SDK1: variants seen among roughly 807,000 people sequenced by gnomAD.
The protein encoded by SDK1 is protein sidekick-1.
SDK1 carries 157 observed loss-of-function variants against 245.5 expected under a neutral mutation model. The observed-to-expected ratio is 0.64, with a 90% CI of 0.56 to 0.73. The LOEUF (loss-of-function observed/expected upper bound fraction) is 0.73, where lower values mean the gene tolerates loss of function less well. Among genes scored for constraint, SDK1 ranks in the 30% least tolerant of loss-of-function variants. SDK1 has a pLI of 0.00. For missense variants in SDK1, 3,583 were observed against 3,002.3 expected (o/e 1.19, Z -4.52); for synonymous variants, 1,647 against 1,278.5 (o/e 1.29, Z -6.15).
chr7:3,592,115 G>A (rs1562587477), intron 1 of SDK1, among the ~76,000 whole-genome samples: 2 of 152,184 alleles, frequency 1.3e-5, no homozygotes, highest in African/African-American at 2.4e-5. Context: ...ATTTCAACCT[G>A]ATTACTGCCT....
intron 5 of SDK1, among the ~76,000 whole-genome samples, chr7:3,904,265 T>C (rs1407404590): frequency 6.6e-6 from 1 of 152,144 alleles, no homozygotes; most frequent in Non-Finnish European, 1.5e-5. Context: ...AGTAGAGTAG[T>C]AGTTCCCAGG....
chr7:3,669,047 A>G (rs541783847), intron 4 of SDK1, among the ~76,000 whole-genome samples: 4 of 152,320 alleles, frequency 2.6e-5, no homozygotes, highest in Admixed American at 6.5e-5. Flanking sequence ...CCACTTACCA[A>G]AGCTCTTTGA....
chr7:4,132,403 A>G lies in SDK1; in HGVS notation c.4208A>G (p.Glu1403Gly), dbSNP rs753733315. Residue 1403 changes from glutamate (E) to glycine (G), a missense_variant, in exon 28 of 45, where the codon GAG becomes GGG. By Grantham distance (98) the Glu-to-Gly change is moderately conservative (BLOSUM62 -2). Transcript: ENST00000404826. ...CGGATAGTGTGGCAACCTCCGGAGG[A>G]GCCCAACGGCATCATCCTGGGTAAG... ...SVRIVWQPPE[E>G]PNGIILGYQI... 5.0e-6 allele frequency: 8 copies of G among 1,611,550 alleles called. No homozygotes were observed. The South Asian group carries it at 7.7e-5, about 16-fold the overall frequency.
At chr7:3,309,702 C>G (rs1261908379) in intron 1 of SDK1, among the ~76,000 whole-genome samples, 1 of 152,006 alleles carries the variant, frequency 6.6e-6, no homozygotes, top group Non-Finnish European at 1.5e-5. Context: ...TAAAAGAAAA[C>G]ATGGCTGTTA....
intron 5 of SDK1, among the ~76,000 whole-genome samples, chr7:3,915,844 C>T (rs1310486922): frequency 6.6e-6 from 1 of 152,160 alleles, no homozygotes; most frequent in Non-Finnish European, 1.5e-5. Flanking sequence ...CCTGGCCTGG[C>T]CACGTTTTGG....
intron 5 of SDK1, among the ~76,000 whole-genome samples, chr7:3,913,375 C>A (rs533935499): frequency 4.6e-5 from 7 of 150,890 alleles, no homozygotes; most frequent in Non-Finnish European, 8.8e-5. Flanking sequence ...CTCACTGCAA[C>A]CTCCGCCTCC....
intron 5 of SDK1, among the ~76,000 whole-genome samples, chr7:3,874,215 C>G (rs186222473): frequency 2.0e-5 from 3 of 152,292 alleles, no homozygotes; most frequent in Admixed American, 2.0e-4. Context: ...GCCTAAGTTT[C>G]TCTAGTGGAA....
intron 1 of SDK1, among the ~76,000 whole-genome samples, chr7:3,334,765 A>G (rs984661678): frequency 6.6e-6 from 1 of 152,050 alleles, no homozygotes; most frequent in Non-Finnish European, 1.5e-5. Flanking sequence ...TCCTTAGTTT[A>G]TCTCTAGCTT....
At chr7:3,885,148 A>G (rs1021055675) in intron 5 of SDK1, among the ~76,000 whole-genome samples, 5 of 151,932 alleles carry the variant, frequency 3.3e-5, no homozygotes, top group Non-Finnish European at 7.4e-5. Flanking sequence ...GGAATGAGGG[A>G]TGTCCACAAC....
At chr7:3,562,356 T>G (rs765506123) in intron 1 of SDK1, among the ~76,000 whole-genome samples, 4 of 152,228 alleles carry the variant, frequency 2.6e-5, no homozygotes, top group Non-Finnish European at 5.9e-5. Context: ...TTCCATAGAT[T>G]GTAAGTGTAA....
chr7:4,206,093 G>A (rs1376829498), intron 36 of SDK1, 99 bp downstream of exon 36: 11 of 768,090 alleles, frequency 1.4e-5, no homozygotes, highest in Admixed American at 6.0e-5. Context: ...CCCCGCAGGC[G>A]CTCCACCTGG....
chr7:3,886,383 C>G (rs964448101), intron 5 of SDK1, among the ~76,000 whole-genome samples: 3 of 152,202 alleles, frequency 2.0e-5, no homozygotes, highest in African/African-American at 7.2e-5. Context: ...ACACAGGCAG[C>G]AGCAGCACGG....
At chr7:3,974,143 C>G (rs565883640) in intron 12 of SDK1, among the ~76,000 whole-genome samples, 1 of 140,020 alleles carries the variant, frequency 7.1e-6, no homozygotes, top group Non-Finnish European at 1.5e-5. Context: ...AAGATCATGC[C>G]ACTGCACTCC....
chr7:3,722,705 T>C (rs1778851854), intron 4 of SDK1, among the ~76,000 whole-genome samples: 1 of 152,162 alleles, frequency 6.6e-6, no homozygotes, highest in African/African-American at 2.4e-5. Flanking sequence ...CAGGCTGAAC[T>C]CAAGTGCCCC....
At chr7:3,347,431 C>T (rs1049511865) in intron 1 of SDK1, among the ~76,000 whole-genome samples, 6 of 152,034 alleles carry the variant, frequency 3.9e-5, no homozygotes, top group African/African-American at 1.4e-4. Flanking sequence ...CCAGAAGTAC[C>T]TGATGAAGTT....
At chr7:3,832,158 A>T (rs1282212579) in intron 5 of SDK1, among the ~76,000 whole-genome samples, 1 of 152,204 alleles carries the variant, frequency 6.6e-6, no homozygotes, top group African/African-American at 2.4e-5. Flanking sequence ...GAGGTAACAA[A>T]TCAAAGCAAC....
chr7:3,483,398 A>T (rs1322556434), intron 1 of SDK1, among the ~76,000 whole-genome samples: 2 of 152,146 alleles, frequency 1.3e-5, no homozygotes, highest in East Asian at 3.8e-4. Context: ...AAGATGTAAG[A>T]AGGCTGTTGA....
intron 1 of SDK1, among the ~76,000 whole-genome samples, chr7:3,465,799 G>C (rs1342343809): frequency 6.6e-6 from 1 of 152,132 alleles, no homozygotes; most frequent in Admixed American, 6.5e-5. Context: ...GCCTATGATG[G>C]AGTACTTTAG....
At chr7:3,981,571 T>C (rs1783406974) in intron 13 of SDK1, among the ~76,000 whole-genome samples, 1 of 152,184 alleles carries the variant, frequency 6.6e-6, no homozygotes, top group Non-Finnish European at 1.5e-5. Context: ...GGAAAGTTAT[T>C]GAAGGACATT....
Sources: allele counts gnomAD v4.1 joint callset (sites outside exome capture counted in the v4.1 genomes callset), GRCh38; gene constraint gnomAD v4.1.1; transcripts MANE v1.5; gene names NCBI Gene and HGNC (gene_info 2026-07-23, HGNC 2026-07-21).